The following CFAP299 variants were observed in gnomAD, a reference collection of about 807,000 sequenced individuals.
CFAP299 encodes cilia- and flagella-associated protein 299.
Under a neutral mutation model 27.0 loss-of-function variants are expected in CFAP299, and 21 were observed. The ratio of observed to expected loss-of-function variants is 0.78; its 90% CI spans 0.55 to 1.12. The LOEUF is 1.12. Among genes scored for constraint, CFAP299 ranks in the 50% most tolerant of loss-of-function variants. CFAP299 has a pLI of 0.00. For missense variants in CFAP299, 310 were observed against 276.6 expected (o/e 1.12, Z -0.86); for synonymous variants, 104 against 98.1 (o/e 1.06, Z -0.36).
intron 3 of CFAP299, among the ~76,000 whole-genome samples, chr4:80,684,468 C>T (rs796708482): frequency 3.3e-5 from 5 of 152,098 alleles, no homozygotes; most frequent in African/African-American, 1.2e-4. Context: ...GGTTTCACCG[C>T]GTTAGCCAGG....
chr4:80,679,871 A>G (rs1272977008), intron 3 of CFAP299, among the ~76,000 whole-genome samples: 1 of 151,736 alleles, frequency 6.6e-6, no homozygotes, highest in Non-Finnish European at 1.5e-5. Context: ...GTTTGCAAAC[A>G]TTTTCTCCCA....
intron 4 of CFAP299, among the ~76,000 whole-genome samples, chr4:80,892,689 T>C (rs910152404): frequency 5.3e-5 from 8 of 152,140 alleles, no homozygotes; most frequent in African/African-American, 1.7e-4. Context: ...ATTTCAATGA[T>C]ATAAAAACTC....
chr4:80,893,687 C>T (rs1734460472), intron 4 of CFAP299, among the ~76,000 whole-genome samples: 1 of 151,286 alleles, frequency 6.6e-6, no homozygotes, highest in African/African-American at 2.4e-5. Flanking sequence ...AAATTGGACC[C>T]TTATCTTGCA....
chr4:80,380,060 G>T (rs1724619178), intron 2 of CFAP299, among the ~76,000 whole-genome samples: 1 of 151,762 alleles, frequency 6.6e-6, no homozygotes, highest in Admixed American at 6.6e-5. Context: ...CTATCTTTTT[G>T]ATTTATGTAT....
At chr4:80,849,329 C>A (rs189133129) in intron 3 of CFAP299, among the ~76,000 whole-genome samples, 4 of 152,156 alleles carry the variant, frequency 2.6e-5, no homozygotes, top group Admixed American at 2.6e-4. Context: ...GCATGAGGTT[C>A]GTTGTTAACC....
chr4:80,482,181 T>C (rs1367048642), intron 2 of CFAP299, among the ~76,000 whole-genome samples: 2 of 151,774 alleles, frequency 1.3e-5, no homozygotes, highest in Non-Finnish European at 2.9e-5. Flanking sequence ...ACCAGAAATG[T>C]ATACTAGATC....
chr4:80,398,135 G>A (rs982941362), intron 2 of CFAP299, among the ~76,000 whole-genome samples: 2 of 152,182 alleles, frequency 1.3e-5, no homozygotes, highest in African/African-American at 4.8e-5. Context: ...TACAAGGCAT[G>A]TGAAGGACCT....
intron 2 of CFAP299, among the ~76,000 whole-genome samples, chr4:80,453,321 T>C (rs1218660217): frequency 6.6e-6 from 1 of 152,150 alleles, no homozygotes; most frequent in Non-Finnish European, 1.5e-5. Flanking sequence ...TCTCTGAGTA[T>C]TCAGGTAGAG....
At chr4:80,603,500 T>C (rs565408192) in intron 3 of CFAP299, among the ~76,000 whole-genome samples, 10 of 152,302 alleles carry the variant, frequency 6.6e-5, no homozygotes, top group African/African-American at 2.4e-4. Context: ...TCAGAGATGA[T>C]CCCATGATCA....
intron 3 of CFAP299, among the ~76,000 whole-genome samples, chr4:80,866,216 T>C (rs1560454243): frequency 6.6e-6 from 1 of 151,238 alleles, no homozygotes; most frequent in East Asian, 2.0e-4. Flanking sequence ...ATTATCGTTT[T>C]TGCATTTAGA....
intron 3 of CFAP299, among the ~76,000 whole-genome samples, chr4:80,844,635 T>G (rs1413146484): frequency 9.2e-5 from 14 of 152,282 alleles, no homozygotes; most frequent in Non-Finnish European, 1.5e-4. Flanking sequence ...TTTGAGTTCA[T>G]TGTAGATTCT....
intron 3 of CFAP299, among the ~76,000 whole-genome samples, chr4:80,698,978 C>T (rs1171584944): frequency 2.0e-5 from 3 of 152,076 alleles, no homozygotes; most frequent in Non-Finnish European, 4.4e-5. Flanking sequence ...AACCATATCA[C>T]AAGGGTTAGA....
intron 2 of CFAP299, among the ~76,000 whole-genome samples, chr4:80,570,964 A>G (rs1735554623): frequency 6.6e-6 from 1 of 152,180 alleles, no homozygotes. Context: ...TTACAAATAT[A>G]TACTTTGTGG....
intron 2 of CFAP299, among the ~76,000 whole-genome samples, chr4:80,557,542 G>A (rs1245393617): frequency 1.3e-5 from 2 of 152,082 alleles, no homozygotes; most frequent in African/African-American, 4.8e-5. Flanking sequence ...ACTGCCATCA[G>A]TACTTCAAAG....
At chr4:80,913,885 C>CACTT (rs1735609318) in intron 4 of CFAP299, among the ~76,000 whole-genome samples, 1 of 152,152 alleles carries the variant, frequency 6.6e-6, no homozygotes, top group Admixed American at 6.6e-5. Context: ...CCCATTGATC[C>CACTT]ACTTTTTTAG....
intron 3 of CFAP299, among the ~76,000 whole-genome samples, chr4:80,623,068 A>T (rs769293771): frequency 6.6e-6 from 1 of 152,122 alleles, no homozygotes; most frequent in Non-Finnish European, 1.5e-5. Context: ...TGACTGACCG[A>T]TCTCATCAGG....
chr4:80,462,004 G>T (rs913043599), intron 2 of CFAP299, among the ~76,000 whole-genome samples: 4 of 151,950 alleles, frequency 2.6e-5, no homozygotes, highest in African/African-American at 9.7e-5. Flanking sequence ...TTATGACTCC[G>T]CTTGGATTCT....
intron 3 of CFAP299, among the ~76,000 whole-genome samples, chr4:80,808,175 A>G (rs996633738): frequency 3.9e-5 from 6 of 152,158 alleles, no homozygotes; most frequent in Admixed American, 3.3e-4. Context: ...CGAAATAGTG[A>G]AATATCAAGT....
intron 3 of CFAP299, among the ~76,000 whole-genome samples, chr4:80,736,544 C>CA (rs1310079630): frequency 3.3e-5 from 5 of 151,786 alleles, no homozygotes; most frequent in Non-Finnish European, 7.4e-5. Flanking sequence ...TTTATGCAGC[C>CA]AAAAAACACA....
Sources: gnomAD v4.1 joint callset for allele counts (sites outside exome capture counted in the v4.1 genomes callset) on GRCh38, gnomAD v4.1.1 for gene constraint, MANE v1.5 for transcripts, NCBI Gene and HGNC (gene_info 2026-07-23, HGNC 2026-07-21) for gene names.